Variants in ACYP2 observed in about 807,000 individuals in gnomAD.
The protein encoded by ACYP2 is acylphosphatase 2, also known as acylphosphatase-2.
A neutral mutation model predicts 11.2 loss-of-function variants in ACYP2; 12 were observed. That is an observed-to-expected ratio of 1.08 (90% CI 0.69 to 1.74). ACYP2 has a LOEUF of 1.74. ACYP2 is among the 40% of genes most tolerant of loss of function. The probability of loss-of-function intolerance (pLI) is 0.00; values close to 1 mark genes in which losing one functional copy is unlikely to be tolerated. For synonymous variants in ACYP2, 43 were observed against 32.2 expected (o/e 1.33, Z -1.13); for missense variants, 134 against 101.9 (o/e 1.31, Z -1.35).
At chr2:53,982,212 C>T (rs1333006583) in intron 2 of ACYP2, among the ~76,000 whole-genome samples, 1 of 152,180 alleles carries the variant, frequency 6.6e-6, no homozygotes, top group African/African-American at 2.4e-5. Flanking sequence ...GGATTATCTG[C>T]ATGCATAATT....
intron 6 of ACYP2, chr2:54,255,005 A>T (rs755195917): frequency 1.2e-6 from 2 of 1,614,074 alleles, no homozygotes; most frequent in Non-Finnish European, 1.7e-6. Context: ...TCTTCACCCA[A>T]CAGGTAGTAC....
intron 6 of ACYP2, among the ~76,000 whole-genome samples, chr2:54,170,546 A>T (rs1468283910): frequency 6.7e-6 from 1 of 148,300 alleles, no homozygotes; most frequent in South Asian, 2.1e-4. Flanking sequence ...ATCCTGTTGC[A>T]GAAATTTTTC....
intron 4 of ACYP2, among the ~76,000 whole-genome samples, chr2:54,078,135 T>A (rs1382120726): frequency 6.6e-6 from 1 of 151,924 alleles, no homozygotes; most frequent in Non-Finnish European, 1.5e-5. Context: ...TTAGTAGACA[T>A]GGGGTTTCAC....
chr2:54,238,303 G>A (rs1686585699), intron 6 of ACYP2, among the ~76,000 whole-genome samples: 1 of 152,138 alleles, frequency 6.6e-6, no homozygotes, highest in Non-Finnish European at 1.5e-5. Context: ...TCTGTAAGAG[G>A]AGAGAGCTTT....
chr2:54,012,296 A>T (rs866425103), intron 2 of ACYP2, among the ~76,000 whole-genome samples: 2 of 151,860 alleles, frequency 1.3e-5, no homozygotes, highest in East Asian at 3.9e-4. Context: ...ACTTAAGTTT[A>T]GGAGTTCAAG....
At chr2:54,063,329 T>C (rs74485891) in intron 4 of ACYP2, among the ~76,000 whole-genome samples, 21 of 152,210 alleles carry the variant, frequency 1.4e-4, no homozygotes, top group African/African-American at 4.6e-4. Flanking sequence ...TAGATACATA[T>C]AGAGTTAGGT....
At chr2:54,031,589 T>G (rs1425834361) in intron 2 of ACYP2, among the ~76,000 whole-genome samples, 1 of 152,186 alleles carries the variant, frequency 6.6e-6, no homozygotes, top group Non-Finnish European at 1.5e-5. Flanking sequence ...TAAACATACA[T>G]GTGCATGTGT....
rs374208560 is a variant in ACYP2 at position 54,134,826 on chromosome 2, G to T, written c.278-627G>T. Reference sequence around the variant, plus strand: ...AAACTGTGGATAGTGTAGAACCCTCGATATGCTAAGCATTTATCATACACT... The same window carrying T: ...AAACTGTGGATAGTGTAGAACCCTCTATATGCTAAGCATTTATCATACACT... On this transcript the variant is annotated intron_variant, in intron 4 of 6. Coordinates refer to ENST00000607452, the MANE Select transcript of ACYP2 (RefSeq NM_001320586.2). 1.2e-4 allele frequency among the ~76,000 whole-genome samples: 18 copies of T among 152,234 alleles called. No individual in the cohort carries two copies. The East Asian group carries it at 2.9e-3, about 25-fold the overall frequency.
intron 6 of ACYP2, among the ~76,000 whole-genome samples, chr2:54,287,193 T>A (rs1689112562): frequency 6.6e-6 from 1 of 151,926 alleles, no homozygotes; most frequent in Admixed American, 6.6e-5. Flanking sequence ...GATCTCTTCT[T>A]CCAAGGTGGC....
intron 5 of ACYP2, among the ~76,000 whole-genome samples, chr2:54,136,574 C>T (rs1165044866): frequency 6.6e-6 from 1 of 152,202 alleles, no homozygotes; most frequent in Non-Finnish European, 1.5e-5. Flanking sequence ...CGTCTTACAT[C>T]AGTCTTAGCT....
intron 6 of ACYP2, among the ~76,000 whole-genome samples, chr2:54,196,750 T>C (rs929147476): frequency 2.3e-5 from 3 of 129,732 alleles, no homozygotes; most frequent in African/African-American, 3.4e-5. Flanking sequence ...TCTCCATATA[T>C]TGGTCACATC....
At chr2:54,097,257 A>G (rs1164598817) in intron 4 of ACYP2, among the ~76,000 whole-genome samples, 1 of 152,192 alleles carries the variant, frequency 6.6e-6, no homozygotes, top group Admixed American at 6.5e-5. Context: ...TCTACATATT[A>G]TAACTTACTA....
chr2:54,138,844 G>T, intron 6 of ACYP2, 96 bp downstream of exon 3: 1 of 959,598 alleles, frequency 1.0e-6, no homozygotes, highest in Admixed American at 2.4e-5. Flanking sequence ...CCAGGTTGGA[G>T]TGCAGTGGCA....
chr2:54,201,604 CTTTCTTTCTTTCTTTCTT>C lies in ACYP2; in HGVS notation c.404+62858_404+62875del, dbSNP rs1558608435. On this transcript the variant is annotated intron_variant, in intron 6 of 6. Coordinates refer to ENST00000607452, the MANE Select transcript of ACYP2 (RefSeq NM_001320586.2). Reference sequence around the variant, plus strand: ...TCTTTTTCTTTCTTTCTCTTTCTTTCTTTCTTTCTTTCTTTCTTTGTTTCTTTCTTTCTCTTTCTTTCT... The same window carrying C: ...TCTTTTTCTTTCTTTCTCTTTCTTTCTGTTTCTTTCTTTCTCTTTCTTTCT... Among the ~76,000 whole-genome samples the C allele has an allele frequency of 1.7e-3, 146 of 83,962 alleles. 1 individual carries two copies. Among genetic ancestry groups the C allele is most frequent in the African/African-American group, 6.0e-3 (141 of 23,498 alleles). 55.1% of individuals were successfully genotyped at this position (83,962 alleles called of 152,430 possible). A position where few individuals can be genotyped will look rare whatever the true frequency, so the allele number is the denominator to read the frequency against.
At chr2:54,300,082 A>G (rs1000230504) in intron 6 of ACYP2, among the ~76,000 whole-genome samples, 8 of 152,152 alleles carry the variant, frequency 5.3e-5, no homozygotes, top group African/African-American at 1.9e-4. Flanking sequence ...GCCTCTCCCT[A>G]TCCAAATTGC....
chr2:54,257,419 T>A (rs1416067513), intron 6 of ACYP2, among the ~76,000 whole-genome samples: 1 of 152,232 alleles, frequency 6.6e-6, no homozygotes, highest in Non-Finnish European at 1.5e-5. Flanking sequence ...GTGACATAAA[T>A]CATTGGCTAC....
chr2:54,106,304 T>C (rs980253033), intron 4 of ACYP2, among the ~76,000 whole-genome samples: 1 of 150,510 alleles, frequency 6.6e-6, no homozygotes, highest in Non-Finnish European at 1.5e-5. Flanking sequence ...CCTCAAGTGA[T>C]CCTCCCGCCT....
chr2:54,164,213 T>G (rs1363435421), intron 6 of ACYP2, among the ~76,000 whole-genome samples: 6 of 152,022 alleles, frequency 3.9e-5, no homozygotes, highest in Non-Finnish European at 7.4e-5. Context: ...TGGGTCAGGG[T>G]GAAGCTTCTA....
At chr2:54,273,789 T>C (rs186629023) in intron 6 of ACYP2, among the ~76,000 whole-genome samples, 3 of 152,302 alleles carry the variant, frequency 2.0e-5, no homozygotes, top group Admixed American at 2.0e-4. Flanking sequence ...TATGCCTGAA[T>C]AATTCTGAAC....
Sources: gnomAD v4.1 joint callset for allele counts (sites outside exome capture counted in the v4.1 genomes callset) on GRCh38, gnomAD v4.1.1 for gene constraint, MANE v1.5 for transcripts, NCBI Gene and HGNC (gene_info 2026-07-23, HGNC 2026-07-21) for gene names.